The following MMP26 variants were observed in gnomAD, a reference collection of about 807,000 sequenced individuals.
MMP26 encodes the protein matrix metalloproteinase-26.
MMP26 carries 33 observed loss-of-function variants against 31.0 expected under a neutral mutation model. The ratio of observed to expected loss-of-function variants is 1.06; its 90% CI spans 0.81 to 1.42. MMP26 has a LOEUF of 1.42. MMP26 is among the 40% of genes most tolerant of loss of function. The pLI is 0.00. For synonymous variants in MMP26, 122 were observed against 114.9 expected, an observed-to-expected ratio of 1.06 and a Z score of -0.40; for missense variants, 347 against 316.1, an observed-to-expected ratio of 1.10 and a Z score of -0.74.
intron 2 of MMP26, among the ~76,000 whole-genome samples, chr11:4,983,719 C>T (rs540652549): frequency 1.3e-5 from 2 of 152,130 alleles, no homozygotes; most frequent in African/African-American, 2.4e-5. Context: ...ATTATTAAAA[C>T]TTTCTGGTTA....
chr11:4,860,724 C>G, intron 2 of MMP26: 1 of 308,182 alleles, frequency 3.2e-6, no homozygotes, highest in Non-Finnish European at 6.3e-6. Flanking sequence ...ATATTTGTAA[C>G]ACTGTGTCTT....
intron 2 of MMP26, chr11:4,882,581 CT>C: frequency 6.2e-7 from 1 of 1,613,902 alleles, no homozygotes; most frequent in Non-Finnish European, 8.5e-7. Flanking sequence ...CCGTACTGTT[CT>C]GGGCATTGTG....
chr11:4,897,286 C>T (rs1369302766), intron 2 of MMP26, among the ~76,000 whole-genome samples: 1 of 152,064 alleles, frequency 6.6e-6, no homozygotes, highest in Non-Finnish European at 1.5e-5. Context: ...ATTACAGACA[C>T]ATGCCACCAC....
intron 2 of MMP26, among the ~76,000 whole-genome samples, chr11:4,850,168 C>T (rs761245800): frequency 6.6e-6 from 1 of 152,166 alleles, no homozygotes; most frequent in East Asian, 1.9e-4. Context: ...TATCTACTCT[C>T]ATGACATCAA....
chr11:4,764,654 A>T (rs1848605818), intron 1 of MMP26, among the ~76,000 whole-genome samples: 1 of 152,220 alleles, frequency 6.6e-6, no homozygotes, highest in Admixed American at 6.5e-5. Context: ...GTGGATCACG[A>T]GGTCAGGAGA....
intron 2 of MMP26, chr11:4,946,901 A>G (rs2412466): frequency 0.022 from 35,043 of 1,606,456 alleles, 1,591 homozygotes; most frequent in Middle Eastern, 0.046. Context: ...CATAGCCAAC[A>G]TGGAAAGAAA....
intron 2 of MMP26, among the ~76,000 whole-genome samples, chr11:4,987,620 G>A (rs182125305): frequency 2.3e-4 from 35 of 151,572 alleles, no homozygotes; most frequent in South Asian, 4.2e-4. Flanking sequence ...GGGTTTCACC[G>A]TGTTAGCCAG....
At chr11:4,719,026 A>C (rs1564893893) in intron 1 of MMP26, 1 of 160,832 alleles carries the variant, frequency 6.2e-6, no homozygotes, top group Non-Finnish European at 1.4e-5. Flanking sequence ...TTCTGTCTTA[A>C]CTGATCTTAA....
At position 4,783,461 on chromosome 11, in the gene MMP26, T is replaced by A. The variant is rs537963019; in HGVS notation, c.-145+16120T>A. Among the ~76,000 whole-genome samples, 162 of 152,330 alleles carry A rather than the reference T, an allele frequency of 1.1e-3. 5 individuals are homozygous for A. The South Asian group carries it at 0.031, about 29-fold the overall frequency. On this transcript the variant is annotated intron_variant, in intron 2 of 7. Coordinates refer to ENST00000380390, the MANE Select transcript of MMP26 (RefSeq NM_021801.5). ...CATTGTACCTAGCAAGAAACTAACT[T>A]GCTTTCGATTTTACAGGCTCATAAG... is the stretch of plus-strand genomic sequence containing the variant.
intron 2 of MMP26, among the ~76,000 whole-genome samples, chr11:4,950,286 C>A (rs1475268534): frequency 4.9e-5 from 6 of 121,832 alleles, no homozygotes; most frequent in African/African-American, 1.7e-4. Flanking sequence ...TAATAGAAAG[C>A]ATTTCCATGG....
At chr11:4,822,480 G>A (rs946064370) in intron 2 of MMP26, 18 of 1,058,438 alleles carry the variant, frequency 1.7e-5, no homozygotes, top group Non-Finnish European at 2.3e-5. Context: ...TCCAAACTAA[G>A]CAATTTATAG....
chr11:4,758,752 G>C (rs996655166), intron 1 of MMP26, among the ~76,000 whole-genome samples: 8 of 152,100 alleles, frequency 5.3e-5, no homozygotes, highest in African/African-American at 1.9e-4. Flanking sequence ...TATAAATTTG[G>C]AGAAATATTT....
At chr11:4,724,135 G>A in intron 1 of MMP26, 1 of 611,092 alleles carries the variant, frequency 1.6e-6, no homozygotes, top group Admixed American at 2.7e-5. Context: ...GCTAGAGGTG[G>A]ACACCTCGTA....
chr11:4,802,192 G>T (rs1849192787), intron 2 of MMP26, among the ~76,000 whole-genome samples: 1 of 152,026 alleles, frequency 6.6e-6, no homozygotes, highest in South Asian at 2.1e-4. Flanking sequence ...TCTATATTTG[G>T]GCTGGAATTG....
At chr11:4,766,642 C>T (rs1352701378) in intron 1 of MMP26, among the ~76,000 whole-genome samples, 1 of 150,622 alleles carries the variant, frequency 6.6e-6, no homozygotes, top group Non-Finnish European at 1.5e-5. Flanking sequence ...AACAAATGGG[C>T]TGTTTGGAAA....
At chr11:4,784,979 G>T (rs1848915672) in intron 2 of MMP26, among the ~76,000 whole-genome samples, 3 of 152,152 alleles carry the variant, frequency 2.0e-5, no homozygotes, top group Admixed American at 6.5e-5. Flanking sequence ...CATCAATTTT[G>T]CCAGAGTCAC....
chr11:4,849,120 C>A (rs775820579), intron 2 of MMP26: 1 of 1,614,060 alleles, frequency 6.2e-7, no homozygotes, highest in Admixed American at 1.7e-5. Flanking sequence ...GGAGGGTGCA[C>A]CTGATAGGCC....
rs562467951 is a variant in MMP26, at chr11:4,870,231, A to AG, written c.-145+102891dup. 5.4e-4 allele frequency among the ~76,000 whole-genome samples: 83 copies of AG among 152,300 alleles called. No homozygotes were observed. In the East Asian group the frequency reaches 0.015, roughly 27 times the overall value. ...GAACTTAAAGTATGATAATAAAAAA[A>AG]GAAATAAAGAACACTGAAAATGATA... On this transcript the variant is annotated intron_variant, in intron 2 of 7. Transcript: ENST00000380390.
At chr11:4,895,324 C>A (rs1055566187) in intron 2 of MMP26, among the ~76,000 whole-genome samples, 12 of 152,086 alleles carry the variant, frequency 7.9e-5, no homozygotes, top group Non-Finnish European at 1.5e-4. Flanking sequence ...TACTTGAAAC[C>A]ATAACGTCAT....
Sources: allele counts gnomAD v4.1 joint callset (sites outside exome capture counted in the v4.1 genomes callset), GRCh38; gene constraint gnomAD v4.1.1; transcripts MANE v1.5; gene names NCBI Gene and HGNC (gene_info 2026-07-23, HGNC 2026-07-21).